The following SOX5 variants were observed in gnomAD, a reference collection of about 807,000 sequenced individuals.
The protein encoded by SOX5 is SRY-box transcription factor 5.
Under a neutral mutation model 92.0 loss-of-function variants are expected in SOX5, and 9 were observed. The ratio of observed to expected loss-of-function variants is 0.10; its 90% CI spans 0.06 to 0.17. SOX5 has a LOEUF of 0.17. Among genes scored for constraint, SOX5 ranks in the 10% least tolerant of loss-of-function variants. The pLI is 1.00. For missense variants in SOX5, 642 were observed against 944.5 expected, an observed-to-expected ratio of 0.68 and a Z score of 4.20; for synonymous variants, 344 against 336.3, an observed-to-expected ratio of 1.02 and a Z score of -0.25.
At chr12:24,552,996 C>G (rs933037296) in intron 1 of SOX5, among the ~76,000 whole-genome samples, 1 of 152,176 alleles carries the variant, frequency 6.6e-6, no homozygotes, top group Non-Finnish European at 1.5e-5. Context: ...TGTGCCACTG[C>G]ACTCCAGCCT....
In SOX5 at chr12:23,846,117, C is replaced by G. The variant is rs747331538; in HGVS notation, c.347G>C (p.Gly116Ala). 1.5e-5 allele frequency: 25 copies of G among 1,614,132 alleles called. No individual in the cohort carries two copies. Among genetic ancestry groups the G allele is most frequent in the Non-Finnish European group, 2.0e-5 (24 of 1,180,000 alleles). Residue 116 changes from glycine to alanine, a missense_variant, in exon 3 of 15, where the codon GGT (glycine) becomes GCT (alanine). Gly to Ala is a moderately conservative substitution (Grantham distance 60). Coordinates refer to ENST00000451604, the MANE Select transcript of SOX5 (RefSeq NM_006940.6). ...SSTSPQKAEE[G>A]GRQSGESLSS... ...CAAGGACTCGCCACTCTGTCGCCCA[C>G]CTTCTTCTGCCTTCTGAGGTGAGGT... is the stretch of plus-strand genomic sequence containing the variant.
At chr12:24,509,961 T>A (rs1949156635) in intron 1 of SOX5, among the ~76,000 whole-genome samples, 1 of 152,202 alleles carries the variant, frequency 6.6e-6, no homozygotes, top group Non-Finnish European at 1.5e-5. Flanking sequence ...ATTTCAAAAA[T>A]ATCAACCACA....
At chr12:23,820,773 T>C (rs1195533023) in intron 3 of SOX5, among the ~76,000 whole-genome samples, 1 of 152,120 alleles carries the variant, frequency 6.6e-6, no homozygotes, top group Non-Finnish European at 1.5e-5. Context: ...TTCTGTTCCA[T>C]TGGTCTATAT....
At chr12:23,749,035 AGCTTCTTTC>A (rs2094099517) in intron 4 of SOX5, among the ~76,000 whole-genome samples, 1 of 151,908 alleles carries the variant, frequency 6.6e-6, no homozygotes, top group African/African-American at 2.4e-5. Context: ...TTATAATGGA[AGCTTCTTTC>A]AGCAGCACTC....
At chr12:23,917,380 A>G (rs1428573998) in intron 1 of SOX5, among the ~76,000 whole-genome samples, 2 of 151,952 alleles carry the variant, frequency 1.3e-5, no homozygotes, top group African/African-American at 4.8e-5. Context: ...GTCTCTACTA[A>G]AAATACAAAA....
At chr12:23,832,024 A>C (rs1227131923) in intron 3 of SOX5, among the ~76,000 whole-genome samples, 1 of 151,634 alleles carries the variant, frequency 6.6e-6, no homozygotes, top group African/African-American at 2.4e-5. Flanking sequence ...AAGGAAGGAA[A>C]AGAAAAAAAG....
intron 1 of SOX5, among the ~76,000 whole-genome samples, chr12:24,489,130 C>G (rs1188721203): frequency 6.6e-6 from 1 of 152,190 alleles, no homozygotes; most frequent in Non-Finnish European, 1.5e-5. Flanking sequence ...TATGCCAACA[C>G]ACACGTCCAA....
chr12:24,131,602 A>G (rs1459015768), intron 4 of SOX5, among the ~76,000 whole-genome samples: 5 of 152,228 alleles, frequency 3.3e-5, no homozygotes, highest in African/African-American at 1.2e-4. Flanking sequence ...ACATATATTT[A>G]TAATCTCACT....
Position 24,174,519 on chromosome 12 carries a change from GGA to G in SOX5, c.-2+38822_-2+38823del, listed in dbSNP as rs547357406. 7.2e-4 allele frequency among the ~76,000 whole-genome samples: 109 copies of G among 152,130 alleles called. 1 individual carries two copies. The highest frequency in any genetic ancestry group is 2.6e-3 in the African/African-American group (106 of 41,474). ...TAAGAATACAGAATGAGTGGGGGGG[GGA>G]ACCCACAAAACAAAAACAAGGCGGA... On this transcript the variant is annotated intron_variant, in intron 4 of 4. Coordinates refer to the SOX5 transcript ENST00000446891.
intron 11 of SOX5, among the ~76,000 whole-genome samples, chr12:23,559,008 A>T (rs1270994528): frequency 6.6e-6 from 1 of 152,354 alleles, no homozygotes; most frequent in South Asian, 2.1e-4. Flanking sequence ...GGTTAAGTAT[A>T]TATGGAGTGA....
chr12:24,378,157 T>C (rs1957468522), intron 1 of SOX5, among the ~76,000 whole-genome samples: 1 of 152,240 alleles, frequency 6.6e-6, no homozygotes. Context: ...AGTTGAGCTG[T>C]GGAAAGTCAA....
At chr12:24,108,294 G>A (rs201110245) in intron 4 of SOX5, among the ~76,000 whole-genome samples, 2 of 151,640 alleles carry the variant, frequency 1.3e-5, no homozygotes, top group African/African-American at 4.8e-5. Flanking sequence ...GATGTTTTTT[G>A]TTAATTATAG....
intron 1 of SOX5, among the ~76,000 whole-genome samples, chr12:23,903,392 C>G (rs542448038): frequency 1.9e-3 from 293 of 152,202 alleles, no homozygotes; most frequent in African/African-American, 6.9e-3. Context: ...CGACACCAGC[C>G]TGCAAAACTG....
At chr12:24,257,742 C>G (rs1017966397) in intron 3 of SOX5, among the ~76,000 whole-genome samples, 1 of 151,762 alleles carries the variant, frequency 6.6e-6, no homozygotes, top group South Asian at 2.1e-4. Flanking sequence ...GCTGGGATTA[C>G]TGGGATGAGC....
intron 1 of SOX5, among the ~76,000 whole-genome samples, chr12:24,540,643 T>C (rs1415731360): frequency 6.6e-6 from 1 of 152,154 alleles, no homozygotes; most frequent in African/African-American, 2.4e-5. Context: ...GAGATGGATG[T>C]TTTAGTCAGG....
chr12:24,036,094 G>A (rs985009164), intron 4 of SOX5, among the ~76,000 whole-genome samples: 1 of 151,972 alleles, frequency 6.6e-6, no homozygotes, highest in Non-Finnish European at 1.5e-5. Flanking sequence ...AAAATACTGA[G>A]ATTCATCTAC....
At chr12:24,347,511 A>T (rs1953458150) in intron 2 of SOX5, among the ~76,000 whole-genome samples, 1 of 152,228 alleles carries the variant, frequency 6.6e-6, no homozygotes, top group African/African-American at 2.4e-5. Context: ...AAAAATTCTC[A>T]TTAACTATAA....
chr12:24,185,881 T>C (rs1052529429), intron 4 of SOX5, among the ~76,000 whole-genome samples: 2 of 152,154 alleles, frequency 1.3e-5, no homozygotes, highest in African/African-American at 2.4e-5. Context: ...ATTCGTTGAA[T>C]GAATGAATGC....
chr12:24,108,820 T>G (rs981553088), intron 4 of SOX5, among the ~76,000 whole-genome samples: 7 of 152,160 alleles, frequency 4.6e-5, no homozygotes, highest in Non-Finnish European at 1.0e-4. Context: ...ACAGAACCAG[T>G]TCCATAAACC....
Sources: allele counts gnomAD v4.1 joint callset (sites outside exome capture counted in the v4.1 genomes callset), GRCh38; gene constraint gnomAD v4.1.1; transcripts MANE v1.5; gene names NCBI Gene and HGNC (gene_info 2026-07-23, HGNC 2026-07-21).